The following EPB41L2 variants were observed in gnomAD, a reference collection of about 807,000 sequenced individuals.
The protein encoded by EPB41L2 is band 4.1-like protein 2.
A neutral mutation model predicts 113.0 loss-of-function variants in EPB41L2; 43 were observed. The observed-to-expected ratio is 0.38, with a 90% confidence interval of 0.30 to 0.49. The LOEUF (loss-of-function observed/expected upper bound fraction) is 0.49. EPB41L2 is among the 20% of genes least tolerant of loss of function. The probability of loss-of-function intolerance (pLI) is 0.95; values close to 1 mark genes in which losing one functional copy is unlikely to be tolerated. For missense variants in EPB41L2, 1,147 were observed against 1,223.4 expected, an observed-to-expected ratio of 0.94 and a Z score of 0.93; for synonymous variants, 442 against 436.7, an observed-to-expected ratio of 1.01 and a Z score of -0.15.
In EPB41L2 at chr6:130,862,361, A is replaced by C. The variant is rs74609116; in HGVS notation, c.2910+1277T>G. Among the ~76,000 whole-genome samples the C allele has an allele frequency of 1.6e-3, 237 of 152,308 alleles. 4 individuals are homozygous for C. In the East Asian group the frequency reaches 0.041, roughly 26 times the overall value. ...CTAGTTTGCACTTTCCACCATGCCAAAAAATGTGAGCTTGTGCTTCACATA... is the reference window on the plus strand; with the variant it reads ...CTAGTTTGCACTTTCCACCATGCCACAAAATGTGAGCTTGTGCTTCACATA... On this transcript the variant is annotated intron_variant, in intron 18 of 19. Coordinates refer to ENST00000337057, the MANE Select transcript of EPB41L2 (RefSeq NM_001431.4).
intron 1 of EPB41L2, among the ~76,000 whole-genome samples, chr6:130,964,708 A>G (rs1399802751): frequency 1.3e-5 from 2 of 152,192 alleles, no homozygotes; most frequent in Non-Finnish European, 2.9e-5. Flanking sequence ...CAACAGAAAT[A>G]ATCATGATAA....
chr6:130,865,633 A>G lies in EPB41L2; in HGVS notation c.2732T>C (p.Ile911Thr). The G allele has an allele frequency of 6.2e-7, 1 of 1,614,130 alleles. No homozygotes were observed. The highest frequency in any genetic ancestry group is 1.1e-5 in the South Asian group (1 of 91,070). ...CGAATCACCACCAGCCCCGCCATCA[A>G]TCTTTGGATAGTTGGGGGAAAAATA... Reference protein sequence around the residue: ...TKTITYESPQIDGGAGGDSGT... With the variant: ...TKTITYESPQTDGGAGGDSGT... Residue 911 changes from isoleucine (I) to threonine (T), a missense_variant and splice_region_variant, in exon 17 of 20, where the codon ATT (isoleucine) becomes ACT (threonine). Transcript: ENST00000337057.
At chr6:130,974,728 T>C (rs1584170600) in intron 1 of EPB41L2, among the ~76,000 whole-genome samples, 2 of 128,142 alleles carry the variant, frequency 1.6e-5, no homozygotes, top group Non-Finnish European at 1.7e-5. Flanking sequence ...TTTTTTTTTT[T>C]TTTTTTTTTT....
At chr6:131,008,050 T>C (rs921690839) in intron 1 of EPB41L2, among the ~76,000 whole-genome samples, 1 of 152,224 alleles carries the variant, frequency 6.6e-6, no homozygotes, top group Non-Finnish European at 1.5e-5. Context: ...AGGAGCCAAA[T>C]GTTAATCCCA....
intron 1 of EPB41L2, among the ~76,000 whole-genome samples, chr6:130,979,533 G>A (rs1282202316): frequency 6.8e-6 from 1 of 148,120 alleles, no homozygotes; most frequent in Admixed American, 6.7e-5. Flanking sequence ...TTAAGATGAT[G>A]TTCCAGGGAT....
At chr6:130,985,308 T>A (rs989834003) in intron 1 of EPB41L2, among the ~76,000 whole-genome samples, 1 of 152,276 alleles carries the variant, frequency 6.6e-6, no homozygotes, top group Admixed American at 6.5e-5. Flanking sequence ...GGGGGGACTT[T>A]CCCACCTTCA....
chr6:130,941,790 T>C (rs752323348), intron 3 of EPB41L2, among the ~76,000 whole-genome samples: 2 of 151,998 alleles, frequency 1.3e-5, no homozygotes, highest in African/African-American at 2.4e-5. Context: ...AGTACACTTA[T>C]GAGATGTAGT....
At chr6:131,012,466 G>A (rs894117300) in intron 1 of EPB41L2, among the ~76,000 whole-genome samples, 1 of 145,162 alleles carries the variant, frequency 6.9e-6, no homozygotes, top group African/African-American at 2.6e-5. Flanking sequence ...TGTCCCCTAC[G>A]GAACATCACC....
chr6:130,966,041 GC>G (rs1775068692), intron 1 of EPB41L2, among the ~76,000 whole-genome samples: 1 of 50,656 alleles, frequency 2.0e-5, no homozygotes, highest in African/African-American at 1.6e-4. Flanking sequence ...AAAAAAAATT[GC>G]AAAAAAAAAA....
chr6:130,876,113 A>C (rs1361393803), intron 14 of EPB41L2, among the ~76,000 whole-genome samples: 2 of 152,230 alleles, frequency 1.3e-5, no homozygotes, highest in Non-Finnish European at 2.9e-5. Context: ...AAGTAAAATC[A>C]GTAGAAAGAG....
chr6:130,869,739 C>T lies in EPB41L2; in HGVS notation c.2431G>A (p.Glu811Lys). 6.2e-7 allele frequency: 1 copy of T among 1,614,176 alleles called. No individual in the cohort carries two copies. Among genetic ancestry groups the T allele is most frequent in the Non-Finnish European group, 8.5e-7 (1 of 1,180,036 alleles). ...CCTACATTTTCCTGGATCACTGTTTCTACTGTGATTACACTGGCACCTGCT... is the reference window on the plus strand; with the variant it reads ...CCTACATTTTCCTGGATCACTGTTTTTACTGTGATTACACTGGCACCTGCT... ...TQAGASVITV[E>K]TVIQENVGAQ... Residue 811 changes from glutamate (E) to lysine (K), a missense_variant, in exon 15 of 20, where the codon GAA (glutamate) becomes AAA (lysine). Transcript: ENST00000337057.
chr6:131,017,488 T>G (rs1319549863), intron 1 of EPB41L2, among the ~76,000 whole-genome samples: 1 of 152,228 alleles, frequency 6.6e-6, no homozygotes, highest in East Asian at 1.9e-4. Context: ...TTTTTGTATT[T>G]TAGTACATTA....
chr6:130,875,705 T>C (rs1365555308), intron 14 of EPB41L2, among the ~76,000 whole-genome samples: 2 of 152,056 alleles, frequency 1.3e-5, no homozygotes, highest in Non-Finnish European at 2.9e-5. Context: ...ATTAGAAAAT[T>C]TTCTAATCAC....
At position 131,007,546 on chromosome 6, in the gene EPB41L2, T is replaced by C. The variant is rs145924835; in HGVS notation, c.-14-51047A>G. 2.8e-4 allele frequency among the ~76,000 whole-genome samples: 43 copies of C among 152,278 alleles called. 2 individuals carry two copies. The East Asian group carries it at 7.9e-3, about 28-fold the overall frequency. On this transcript the variant is annotated intron_variant, in intron 1 of 19. Coordinates refer to ENST00000337057, the MANE Select transcript of EPB41L2 (RefSeq NM_001431.4). ...GGTAACAGGCAGAGGTTGGAACAGT[T>C]AGGAGGACTCAGAAGAAGATAGGAA...
chr6:130,858,125 T>C lies in EPB41L2; in HGVS notation c.*5+6A>G. The C allele has an allele frequency of 9.9e-6, 16 of 1,609,224 alleles. No individual in the cohort carries two copies. Among genetic ancestry groups the C allele is most frequent in the Non-Finnish European group, 1.4e-5 (16 of 1,175,712 alleles). ...GAAAGGCCACAGACAATGAGGGCTCTCTTACCTTACTTAATCTTCCCCTTC... is the reference window on the plus strand; with the variant it reads ...GAAAGGCCACAGACAATGAGGGCTCCCTTACCTTACTTAATCTTCCCCTTC... On this transcript the variant is annotated splice_donor_region_variant and intron_variant, in intron 19 of 19. Transcript: ENST00000337057.
In EPB41L2 at chr6:130,966,469, G is replaced by A. The variant is rs528363450; in HGVS notation, c.-14-9970C>T. ...ACATCTTATAGGTTGAAAGCAAAGCGTGTGGGAGATACACAAATAAAGGAT... is the reference window on the plus strand; with the variant it reads ...ACATCTTATAGGTTGAAAGCAAAGCATGTGGGAGATACACAAATAAAGGAT... On this transcript the variant is annotated intron_variant, in intron 1 of 19. Coordinates refer to ENST00000337057, the MANE Select transcript of EPB41L2 (RefSeq NM_001431.4). 1.1e-4 allele frequency among the ~76,000 whole-genome samples: 16 copies of A among 152,122 alleles called. No homozygotes were observed. In the South Asian group the frequency reaches 3.1e-3, roughly 30 times the overall value.
At chr6:131,005,183 T>G (rs1426184586) in intron 1 of EPB41L2, among the ~76,000 whole-genome samples, 2 of 152,100 alleles carry the variant, frequency 1.3e-5, no homozygotes, top group Non-Finnish European at 1.5e-5. Context: ...ACAGAGTTTT[T>G]TTTTTTTTTT....
intron 6 of EPB41L2, 124 bp from the exon 7 acceptor site, chr6:130,901,304 A>C (rs1796238832): frequency 1.3e-6 from 1 of 749,836 alleles, no homozygotes; most frequent in South Asian, 1.9e-5. Flanking sequence ...TCTTCATATA[A>C]ACAGCAAAAA....
intron 1 of EPB41L2, among the ~76,000 whole-genome samples, chr6:131,033,370 C>T (rs189666459): frequency 2.0e-5 from 3 of 152,222 alleles, no homozygotes; most frequent in African/African-American, 7.2e-5. Context: ...TGGCACATCC[C>T]TTGTAGAATT....
Sources: gnomAD v4.1 joint callset for allele counts (sites outside exome capture counted in the v4.1 genomes callset) on GRCh38, gnomAD v4.1.1 for gene constraint, MANE v1.5 for transcripts, NCBI Gene and HGNC (gene_info 2026-07-23, HGNC 2026-07-21) for gene names.